The following WWP1 variants were observed in gnomAD, a reference collection of about 807,000 sequenced individuals.
The protein encoded by WWP1 is WW domain containing E3 ubiquitin protein ligase 1, also known as NEDD4-like E3 ubiquitin-protein ligase WWP1.
A neutral mutation model predicts 130.6 loss-of-function variants in WWP1; 49 were observed. The ratio of observed to expected loss-of-function variants is 0.38; its 90% CI spans 0.30 to 0.48. The LOEUF is 0.48. Among genes scored for constraint, WWP1 ranks in the 20% least tolerant of loss-of-function variants. The probability of loss-of-function intolerance (pLI) is 0.99; values close to 1 mark genes in which losing one functional copy is unlikely to be tolerated. For missense variants in WWP1, 809 were observed against 1,100.6 expected, an observed-to-expected ratio of 0.74 and a Z score of 3.75; for synonymous variants, 332 against 367.8, an observed-to-expected ratio of 0.90 and a Z score of 1.11.
chr8:86,350,864 T>A (rs1016256495), intron 1 of WWP1, among the ~76,000 whole-genome samples: 2 of 152,228 alleles, frequency 1.3e-5, no homozygotes, highest in African/African-American at 4.8e-5. Flanking sequence ...GATGTCCTAC[T>A]TTTTGTCTGT....
chr8:86,450,378 A>G (rs893240181), intron 20 of WWP1, among the ~76,000 whole-genome samples: 6 of 152,226 alleles, frequency 3.9e-5, no homozygotes, highest in African/African-American at 9.6e-5. Flanking sequence ...CAGTAACACT[A>G]TATTTTGAGG....
chr8:86,352,515 C>T (rs1822994140), intron 1 of WWP1, among the ~76,000 whole-genome samples: 1 of 152,068 alleles, frequency 6.6e-6, no homozygotes. Context: ...AGCCATGAGC[C>T]ACCGTGCCCT....
chr8:86,456,572 C>A (rs996182530), intron 21 of WWP1, among the ~76,000 whole-genome samples: 6 of 151,876 alleles, frequency 4.0e-5, no homozygotes, highest in African/African-American at 1.4e-4. Flanking sequence ...TGTACATCTA[C>A]CTTATGGCCT....
chr8:86,394,440 C>T (rs1352034578), intron 5 of WWP1, among the ~76,000 whole-genome samples: 1 of 152,214 alleles, frequency 6.6e-6, no homozygotes, highest in East Asian at 1.9e-4. Context: ...GCTGAGGATA[C>T]ATCACTGAAT....
intron 24 of WWP1, among the ~76,000 whole-genome samples, chr8:86,463,522 T>C (rs1300946260): frequency 6.6e-6 from 1 of 151,870 alleles, no homozygotes; most frequent in Non-Finnish European, 1.5e-5. Flanking sequence ...GTCAGGCTGG[T>C]CTCAAACTCT....
intron 5 of WWP1, among the ~76,000 whole-genome samples, chr8:86,390,478 C>T (rs775491616): frequency 3.9e-5 from 6 of 152,150 alleles, no homozygotes; most frequent in Admixed American, 1.3e-4. Flanking sequence ...AGATCACTCG[C>T]GGTCAGGAGC....
chr8:86,461,719 C>A (rs1811775789), intron 23 of WWP1, 55 bp from the exon 24 acceptor site: 1 of 1,386,318 alleles, frequency 7.2e-7, no homozygotes, highest in East Asian at 2.3e-5. Context: ...AAGCAGTTGT[C>A]AGAAGAAAAA....
intron 5 of WWP1, among the ~76,000 whole-genome samples, chr8:86,393,518 C>T (rs779400493): frequency 5.3e-5 from 8 of 152,078 alleles, no homozygotes; most frequent in Non-Finnish European, 1.0e-4. Flanking sequence ...GCTGGGATTA[C>T]AGATTTATTA....
At chr8:86,386,448 C>T (rs78614658) in intron 5 of WWP1, among the ~76,000 whole-genome samples, 1,858 of 120,822 alleles carry the variant, frequency 0.015, 17 homozygotes, top group Middle Eastern at 0.056. Context: ...TGTTCTCTCC[C>T]TTCCTTTCCT....
chr8:86,457,886 C>T (rs1811545807), intron 21 of WWP1, 35 bp from the exon 22 acceptor site: 1 of 1,586,530 alleles, frequency 6.3e-7, no homozygotes, highest in Non-Finnish European at 8.6e-7. Context: ...TTCACTAAAT[C>T]TTTATTGTGG....
chr8:86,373,199 C>T (rs551819550), intron 2 of WWP1, among the ~76,000 whole-genome samples: 22 of 151,376 alleles, frequency 1.5e-4, no homozygotes, highest in East Asian at 1.2e-3. Context: ...AATTGTATTA[C>T]GGACAGAAAC....
intron 5 of WWP1, among the ~76,000 whole-genome samples, chr8:86,390,160 C>G (rs1404396077): frequency 6.6e-6 from 1 of 151,998 alleles, no homozygotes; most frequent in Non-Finnish European, 1.5e-5. Flanking sequence ...ACACGCTCCT[C>G]ACTTCCTAGA....
chr8:86,348,716 C>T (rs1186566994), intron 1 of WWP1, among the ~76,000 whole-genome samples: 5 of 152,080 alleles, frequency 3.3e-5, no homozygotes, highest in African/African-American at 4.8e-5. Context: ...TGTAATTTTG[C>T]GGAGTGTAAT....
chr8:86,448,325 A>G (rs776725383), intron 19 of WWP1, 44 bp downstream of exon 19: 2 of 1,583,906 alleles, frequency 1.3e-6, no homozygotes, highest in African/African-American at 2.7e-5. Context: ...TTTGAAACCC[A>G]TTTTGTTTCA....
intron 5 of WWP1, among the ~76,000 whole-genome samples, chr8:86,388,502 C>A (rs1216051607): frequency 6.6e-6 from 1 of 152,080 alleles, no homozygotes; most frequent in Non-Finnish European, 1.5e-5. Context: ...TGATTTGCTG[C>A]CATTTGTCTT....
At chr8:86,463,417 C>T (rs1030780431) in intron 24 of WWP1, among the ~76,000 whole-genome samples, 6 of 152,184 alleles carry the variant, frequency 3.9e-5, no homozygotes, top group Non-Finnish European at 7.4e-5. Context: ...AGCGATTCTC[C>T]TGCCTCAGCC....
At chr8:86,441,257 G>A (rs1810577526) in intron 17 of WWP1, among the ~76,000 whole-genome samples, 2 of 152,198 alleles carry the variant, frequency 1.3e-5, no homozygotes, top group African/African-American at 4.8e-5. Flanking sequence ...CCTGGGGTAT[G>A]TCTTACTTCA....
intron 1 of WWP1, among the ~76,000 whole-genome samples, chr8:86,368,101 T>G (rs1824073168): frequency 6.6e-6 from 1 of 152,220 alleles, no homozygotes; most frequent in Non-Finnish European, 1.5e-5. Flanking sequence ...TTTAACCTCC[T>G]TCTCCCACAA....
intron 17 of WWP1, among the ~76,000 whole-genome samples, chr8:86,441,276 A>T (rs950964917): frequency 6.6e-6 from 1 of 152,212 alleles, no homozygotes; most frequent in Non-Finnish European, 1.5e-5. Context: ...CAGCCTCATC[A>T]TAGAGGGAAG....
Sources: gnomAD v4.1 joint callset for allele counts (sites outside exome capture counted in the v4.1 genomes callset) on GRCh38, gnomAD v4.1.1 for gene constraint, MANE v1.5 for transcripts, NCBI Gene and HGNC (gene_info 2026-07-23, HGNC 2026-07-21) for gene names.